The following TMCO6 variants were observed in gnomAD, a reference collection of about 807,000 sequenced individuals.
TMCO6 encodes transmembrane and coiled-coil domain-containing protein 6.
TMCO6 carries 47 observed loss-of-function variants against 61.8 expected under a neutral mutation model. The ratio of observed to expected loss-of-function variants is 0.76; its 90% confidence interval spans 0.60 to 0.97. The LOEUF (loss-of-function observed/expected upper bound fraction) is 0.97, where lower values mean the gene tolerates loss of function less well. TMCO6 is among the 50% of genes least tolerant of loss of function. The pLI is 0.00. For missense variants in TMCO6, 557 were observed against 601.6 expected (o/e 0.93, Z 0.78); for synonymous variants, 261 against 254.2 (o/e 1.03, Z -0.25).
At chr5:140,630,853 G>A in the TMCO6 span, among the ~76,000 whole-genome samples, 1 of 152,166 alleles carries the variant, frequency 6.6e-6, no homozygotes, top group African/African-American at 2.4e-5. Flanking sequence ...GGGCCTATAT[G>A]CCTCCTCCCA....
At chr5:140,598,437 G>A in the TMCO6 span, among the ~76,000 whole-genome samples, 1 of 152,156 alleles carries the variant, frequency 6.6e-6, no homozygotes, top group African/African-American at 2.4e-5. Flanking sequence ...CTACTCTGAG[G>A]ATGACAATGC....
chr5:140,609,714 A>T, the TMCO6 span, among the ~76,000 whole-genome samples: 2 of 152,122 alleles, frequency 1.3e-5, no homozygotes, highest in Admixed American at 1.3e-4. Context: ...GACAATCATA[A>T]GATCTATGAG....
the TMCO6 span, among the ~76,000 whole-genome samples, chr5:140,620,155 A>C: frequency 6.6e-6 from 1 of 152,240 alleles, no homozygotes. Context: ...TGAATGTATA[A>C]ACTGTGGTAT....
Position 140,644,575 on chromosome 5 carries a change from G to A in TMCO6, c.1203G>A (p.Val401=). ...LPVSNVVSVM[V]LTVLCNVAEK... is the part of the protein sequence containing the mutation. ...ACTATATATGTGTCTATCTGCAGGT[G>A]CTCACAGTTCTGTGCAATGTTGCAG... Residue 401 remains valine, a splice_region_variant and synonymous_variant, in exon 11 of 12, where the codon GTG becomes GTA. Coordinates refer to ENST00000394671, the MANE Select transcript of TMCO6 (RefSeq NM_018502.5). 6.2e-7 allele frequency: 1 copy of A among 1,613,922 alleles called. No individual in the cohort carries two copies. The highest frequency in any genetic ancestry group is 8.5e-7 in the Non-Finnish European group (1 of 1,179,962).
At chr5:140,621,374 C>T in the TMCO6 span, among the ~76,000 whole-genome samples, 1 of 152,308 alleles carries the variant, frequency 6.6e-6, no homozygotes, top group African/African-American at 2.4e-5. Context: ...TTATGCCTGT[C>T]TTTACTGCAA....
At chr5:140,632,156 G>T in the TMCO6 span, 1 of 1,614,122 alleles carries the variant, frequency 6.2e-7, no homozygotes, top group Non-Finnish European at 8.5e-7. The surrounding 1 kb of genome is among the most constrained non-coding windows in gnomAD (Gnocchi z 6.2). Flanking sequence ...AGTTCAGGGC[G>T]CTGGACCACA....
the TMCO6 span, among the ~76,000 whole-genome samples, chr5:140,605,692 A>AACAC: frequency 0.028 from 3,289 of 118,584 alleles, 57 homozygotes; most frequent in Non-Finnish European, 0.035. Context: ...AAAAAAACAA[A>AACAC]ACACACACAC....
intron 2 of TMCO6, 38 bp downstream of exon 2, chr5:140,639,889 C>A: frequency 6.4e-7 from 1 of 1,550,842 alleles, no homozygotes; most frequent in South Asian, 1.2e-5. Flanking sequence ...AGTCCACGCC[C>A]GCTGGCGCCA....
chr5:140,612,430 C>T, the TMCO6 span, among the ~76,000 whole-genome samples: 10 of 151,468 alleles, frequency 6.6e-5, no homozygotes, highest in Non-Finnish European at 1.2e-4. Flanking sequence ...AGCTCCGCCT[C>T]CCGGGTTCAC....
At position 140,643,000 on chromosome 5, in the gene TMCO6, C is replaced by T. The variant is rs773616177; in HGVS notation, c.765C>T (p.Val255=). 4 of 1,614,186 alleles carry T rather than the reference C, an allele frequency of 2.5e-6. No homozygotes were observed. In the East Asian group the frequency reaches 6.7e-5, roughly 27 times the overall value. Reference sequence around the variant, plus strand: ...CTGGCCCAAAGCTCAACCCTGGGGTCGCTGTGGAGTTTGCCTGGTGCCTTC... The same window carrying T: ...CTGGCCCAAAGCTCAACCCTGGGGTTGCTGTGGAGTTTGCCTGGTGCCTTC... ...LQPGPKLNPG[V]AVEFAWCLHY... is the part of the protein sequence containing the mutation. The change falls in exon 7 of 12, where the codon GTC becomes GTT. Residue 255 remains valine, a synonymous_variant. Transcript: ENST00000394671.
rs1196121722 is a variant in TMCO6, at chr5:140,639,881, T to C, written c.198+30T>C. The C allele has an allele frequency of 2.6e-6, 4 of 1,566,050 alleles. No individual in the cohort carries two copies. The East Asian group carries it at 9.2e-5, about 36-fold the overall frequency. ...GGGGGCAAGGTAGGGTGCGCTGGAG[T>C]CCACGCCCGCTGGCGCCAGACTCCC... On this transcript the variant is annotated intron_variant, in intron 2 of 11. Transcript: ENST00000394671.
At position 140,643,573 on chromosome 5, in the gene TMCO6, C is replaced by G; in HGVS notation, c.816C>G (p.Ser272Arg). 1 of 1,613,890 alleles carries G rather than the reference C, an allele frequency of 6.2e-7. No homozygotes were observed. The highest frequency in any genetic ancestry group is 8.5e-7 in the Non-Finnish European group (1 of 1,179,996). ...GCTTCCTGTTGCCCAGCCAGGTCAG[C>G]AATCCTCTGCTCATTGGCCATGGGG... The part of the protein sequence containing the change: ...CLHYIICSQV[S>R]NPLLIGHGAL... Residue 272 changes from serine to arginine, a missense_variant, in exon 8 of 12, where the codon AGC (serine) becomes AGG (arginine). Transcript: ENST00000394671.
chr5:140,639,105 T>C (rs1265980842), upstream of TMCO6: 1 of 189,938 alleles, frequency 5.3e-6, no homozygotes, highest in Admixed American at 5.4e-5. Flanking sequence ...TCCGCATTAA[T>C]AGTGAAACGG....
chr5:140,613,893 T>G, the TMCO6 span, among the ~76,000 whole-genome samples: 4 of 149,276 alleles, frequency 2.7e-5, no homozygotes, highest in African/African-American at 1.0e-4. Context: ...CGTTTTTTTT[T>G]GTTGTTGTTG....
intron 1 of TMCO6, 37 bp from the exon 2 acceptor site, chr5:140,639,701 TC>T: frequency 6.4e-7 from 1 of 1,558,196 alleles, no homozygotes; most frequent in Non-Finnish European, 8.7e-7. Flanking sequence ...TGGGTTGTGG[TC>T]GTCCTTCCCA....
intron 5 of TMCO6, 55 bp from the exon 6 acceptor site, chr5:140,642,531 T>C: frequency 6.2e-7 from 1 of 1,609,190 alleles, no homozygotes; most frequent in Non-Finnish European, 8.5e-7. Context: ...GCTGAAAGTC[T>C]CTGAAGACCT....
Position 140,645,252 on chromosome 5 carries a change from C to T in TMCO6, c.*154C>T. On this transcript the variant is annotated 3_prime_UTR_variant, in exon 12 of 12. Coordinates refer to ENST00000394671, the MANE Select transcript of TMCO6 (RefSeq NM_018502.5). ...TTGGGTCCCAGCTCCTCCCCTTCCACTCAGCACTATCCAGGCAGGAGGACC... is the reference window on the plus strand; with the variant it reads ...TTGGGTCCCAGCTCCTCCCCTTCCATTCAGCACTATCCAGGCAGGAGGACC... 1 of 783,696 alleles carries T rather than the reference C, an allele frequency of 1.3e-6. No homozygotes were observed. Among genetic ancestry groups the T allele is most frequent in the Non-Finnish European group, 2.1e-6 (1 of 478,556 alleles). 48.5% of individuals were successfully genotyped at this position (783,696 alleles called of 1,614,324 possible). A position where few individuals can be genotyped will look rare whatever the true frequency, so the allele number is the denominator to read the frequency against.
At chr5:140,619,828 A>T in the TMCO6 span, among the ~76,000 whole-genome samples, 24 of 152,248 alleles carry the variant, frequency 1.6e-4, no homozygotes, top group African/African-American at 5.8e-4. Context: ...AATGCAAATG[A>T]AAAGAACAAT....
chr5:140,600,721 T>C, the TMCO6 span, among the ~76,000 whole-genome samples: 6 of 152,170 alleles, frequency 3.9e-5, no homozygotes, highest in Admixed American at 1.3e-4. Flanking sequence ...CCTCAGCCTC[T>C]CAAAAGTGCT....
Sources: allele counts gnomAD v4.1 joint callset (sites outside exome capture counted in the v4.1 genomes callset), GRCh38; gene constraint gnomAD v4.1.1; non-coding constraint Gnocchi (gnomAD v3.1); transcripts MANE v1.5; gene names NCBI Gene and HGNC (gene_info 2026-07-23, HGNC 2026-07-21).